The following SOX6 variants were observed in gnomAD, a reference collection of about 807,000 sequenced individuals.
SOX6 encodes the protein transcription factor SOX-6.
A neutral mutation model predicts 97.8 loss-of-function variants in SOX6; 11 were observed. The ratio of observed to expected loss-of-function variants is 0.11; its 90% CI spans 0.07 to 0.19. The LOEUF (loss-of-function observed/expected upper bound fraction) is 0.19, where lower values mean the gene tolerates loss of function less well. SOX6 is among the 10% of genes least tolerant of loss of function. The pLI, the probability that SOX6 is intolerant of heterozygous loss-of-function variation, is 1.00. For missense variants in SOX6, 810 were observed against 1,039.5 expected (o/e 0.78, Z 3.04); for synonymous variants, 360 against 371.4 (o/e 0.97, Z 0.35).
intron 4 of SOX6, among the ~76,000 whole-genome samples, chr11:16,571,720 C>T (rs988628608): frequency 6.6e-6 from 1 of 152,134 alleles, no homozygotes; most frequent in Non-Finnish European, 1.5e-5. Context: ...AGTGCGATCT[C>T]GCCTCACTGC....
intron 9 of SOX6, among the ~76,000 whole-genome samples, chr11:16,073,896 G>C (rs917013583): frequency 1.3e-5 from 2 of 152,110 alleles, no homozygotes; most frequent in African/African-American, 4.8e-5. Flanking sequence ...AAATTAATGA[G>C]ACCAAAGATA....
chr11:16,111,739 G>A lies in SOX6; in HGVS notation c.898+64C>T, dbSNP rs896851459. ...TGGCATGCTCCTGTGTTTGTTGTGA[G>A]TACTAAGCATAAACATGCAGATCTG... On this transcript the variant is annotated intron_variant, in intron 7 of 15. Transcript: ENST00000683767. The A allele has an allele frequency of 1.9e-6, 3 of 1,590,420 alleles. No individual in the cohort carries two copies. The African/African-American group carries it at 4.0e-5, about 21-fold the overall frequency.
At chr11:16,601,699 T>G (rs1755655253) in intron 4 of SOX6, among the ~76,000 whole-genome samples, 1 of 152,088 alleles carries the variant, frequency 6.6e-6, no homozygotes, top group Non-Finnish European at 1.5e-5. Flanking sequence ...GAAAGAAAAT[T>G]ATTTAAAAGT....
chr11:16,379,816 A>C (rs1172908726), intron 1 of SOX6, among the ~76,000 whole-genome samples: 1 of 152,122 alleles, frequency 6.6e-6, no homozygotes, highest in East Asian at 1.9e-4. Context: ...TATTGTTAAT[A>C]ATAATGGAGA....
At chr11:16,575,447 A>G (rs1335651512) in intron 4 of SOX6, among the ~76,000 whole-genome samples, 2 of 152,202 alleles carry the variant, frequency 1.3e-5, no homozygotes, top group African/African-American at 4.8e-5. Context: ...ATATGCAAAA[A>G]AAGGTTTATA....
intron 3 of SOX6, among the ~76,000 whole-genome samples, chr11:16,680,785 CA>C (rs1192241299): frequency 6.6e-6 from 1 of 151,832 alleles, no homozygotes; most frequent in Non-Finnish European, 1.5e-5. Flanking sequence ...AAATGGAAAA[CA>C]AAAAAACGCA....
chr11:16,523,415 A>C (rs1861104261), intron 4 of SOX6, among the ~76,000 whole-genome samples: 1 of 152,242 alleles, frequency 6.6e-6, no homozygotes, highest in Non-Finnish European at 1.5e-5. Flanking sequence ...GCTGAAATAA[A>C]GATGTTCTTT....
chr11:16,410,494 C>T (rs549363423), intron 1 of SOX6, among the ~76,000 whole-genome samples: 265 of 152,146 alleles, frequency 1.7e-3, no homozygotes, highest in South Asian at 3.1e-3. Flanking sequence ...TGATGGCTCA[C>T]GCCTATAACA....
intron 1 of SOX6, among the ~76,000 whole-genome samples, chr11:16,342,984 A>G (rs555191330): frequency 6.6e-6 from 1 of 151,992 alleles, no homozygotes; most frequent in East Asian, 1.9e-4. Flanking sequence ...GAAGAAATGA[A>G]TTAAATGTTC....
chr11:15,993,123 G>T (rs972289470), intron 13 of SOX6, among the ~76,000 whole-genome samples: 6 of 151,870 alleles, frequency 4.0e-5, no homozygotes. Context: ...ATTTAAAAAT[G>T]GAAATTATAT....
At chr11:16,364,001 G>A (rs1184129748) in intron 1 of SOX6, among the ~76,000 whole-genome samples, 1 of 152,016 alleles carries the variant, frequency 6.6e-6, no homozygotes, top group Non-Finnish European at 1.5e-5. Flanking sequence ...CTTCCTCGAT[G>A]GTAGGAACTA....
At chr11:16,687,559 G>A (rs893882215) in intron 3 of SOX6, among the ~76,000 whole-genome samples, 5 of 152,148 alleles carry the variant, frequency 3.3e-5, no homozygotes, top group Non-Finnish European at 7.4e-5. Context: ...TGCTGGGATT[G>A]CAGGCATGTG....
At chr11:16,174,034 C>CT (rs76988026) in intron 6 of SOX6, among the ~76,000 whole-genome samples, 8,917 of 131,912 alleles carry the variant, frequency 0.068, 630 homozygotes, top group East Asian at 0.37. Context: ...TCCTTTGTTT[C>CT]TTTTTTTTTT....
At chr11:16,011,952 T>G (rs1215585019) in intron 13 of SOX6, among the ~76,000 whole-genome samples, 4 of 152,060 alleles carry the variant, frequency 2.6e-5, no homozygotes, top group Admixed American at 2.0e-4. Flanking sequence ...TAATTATGTA[T>G]GTACATATTT....
At chr11:16,659,381 T>G (rs1236352349) in intron 3 of SOX6, among the ~76,000 whole-genome samples, 4 of 152,232 alleles carry the variant, frequency 2.6e-5, no homozygotes, top group African/African-American at 9.6e-5. Context: ...TAGCTCTCTA[T>G]CCTGTTTCAT....
intron 4 of SOX6, among the ~76,000 whole-genome samples, chr11:16,523,792 A>G (rs1003002386): frequency 1.6e-4 from 24 of 152,228 alleles, no homozygotes; most frequent in Admixed American, 3.9e-4. Flanking sequence ...AAAAAGTGAT[A>G]AAGGGGATAT....
chr11:16,095,056 T>C (rs1215812551), intron 9 of SOX6, among the ~76,000 whole-genome samples: 1 of 151,924 alleles, frequency 6.6e-6, no homozygotes, highest in African/African-American at 2.4e-5. Context: ...AGAAGTTAAA[T>C]GTACATCTTG....
At chr11:16,038,502 T>A (rs80246155) in intron 12 of SOX6, among the ~76,000 whole-genome samples, 1,969 of 151,778 alleles carry the variant, frequency 0.013, 39 homozygotes, top group African/African-American at 0.045. Context: ...AGGAAGGGAG[T>A]AAGAATTTAT....
intron 6 of SOX6, among the ~76,000 whole-genome samples, chr11:16,153,604 G>A (rs1365143785): frequency 1.3e-5 from 2 of 152,078 alleles, no homozygotes; most frequent in Non-Finnish European, 2.9e-5. Context: ...GAAACCCACT[G>A]GGGTCCAACA....
Sources: gnomAD v4.1 joint callset for allele counts (sites outside exome capture counted in the v4.1 genomes callset) on GRCh38, gnomAD v4.1.1 for gene constraint, MANE v1.5 for transcripts, NCBI Gene and HGNC (gene_info 2026-07-23, HGNC 2026-07-21) for gene names.